The following SORBS3 variants were observed in gnomAD, a reference collection of about 807,000 sequenced individuals.
The protein encoded by SORBS3 is sorbin and SH3 domain containing 3, also known as vinexin.
Under a neutral mutation model 98.0 loss-of-function variants are expected in SORBS3, and 69 were observed. The ratio of observed to expected loss-of-function variants is 0.70; its 90% CI spans 0.58 to 0.86. The LOEUF is 0.86. Ranked by LOEUF, SORBS3 falls within the 40% of genes least tolerant of loss-of-function variation. The pLI, the probability that SORBS3 is intolerant of heterozygous loss-of-function variation, is 0.00. For missense variants in SORBS3, 954 were observed against 908.5 expected (o/e 1.05, Z -0.64); for synonymous variants, 394 against 355.4 (o/e 1.11, Z -1.22).
Position 22,564,469 on chromosome 8 carries a change from C to T in SORBS3, c.764C>T (p.Pro255Leu), listed in dbSNP as rs3758036. 1.2e-3 allele frequency: 1,872 copies of T among 1,614,134 alleles called. 26 individuals carry two copies. The East Asian group carries it at 0.036, about 31-fold the overall frequency. Residue 255 changes from proline (P) to leucine (L), a missense_variant and splice_region_variant, in exon 10 of 21, where the codon CCC becomes CTC. Physicochemically the swap from Pro to Leu is moderately conservative, Grantham distance 98. Transcript: ENST00000240123. ...FLQELETGQR[P>L]KKPLVDDPGE... ...TGACACACCCTTTCTACCCTTCAGC[C>T]CAAGAAACCGCTGGTGGACGACCCT... is the stretch of plus-strand genomic sequence containing the variant.
chr8:22,572,789 G>A (rs1206706255), intron 20 of SORBS3, among the ~76,000 whole-genome samples: 1 of 152,212 alleles, frequency 6.6e-6, no homozygotes, highest in African/African-American at 2.4e-5. Context: ...GAGAGCTCCT[G>A]GTGGAAAGGA....
chr8:22,567,232 A>T, intron 16 of SORBS3, 57 bp downstream of exon 16: 1 of 1,273,102 alleles, frequency 7.9e-7, no homozygotes, highest in Non-Finnish European at 1.1e-6. Context: ...AGGGGTTGGG[A>T]GAGACTTAGT....
Position 22,551,967 on chromosome 8 carries a change from G to A in SORBS3, c.-111G>A, listed in dbSNP as rs1001859397. ...CCCGCGCCAGGCAGCAGCCGGGCAG[G>A]GATGCTCCTGCGCTCCCGGGCGGCC... On this transcript the variant is annotated 5_prime_UTR_variant, in exon 1 of 21. Coordinates refer to ENST00000240123, the MANE Select transcript of SORBS3 (RefSeq NM_005775.5). The surrounding 1 kb of genome is among the most constrained non-coding windows in gnomAD (Gnocchi z 5.8). 2 of 985,426 alleles carry A rather than the reference G, an allele frequency of 2.0e-6. No homozygotes were observed. Among genetic ancestry groups the A allele is most frequent in the Non-Finnish European group, 2.4e-6 (2 of 830,074 alleles). The allele number at this position is 985,426 out of a possible 1,614,324, so 61.0% of individuals were successfully genotyped here.
chr8:22,568,820 C>T (rs12680243), intron 16 of SORBS3, among the ~76,000 whole-genome samples: 14 of 152,154 alleles, frequency 9.2e-5, no homozygotes, highest in African/African-American at 3.4e-4. Flanking sequence ...CTGCTTGGAA[C>T]GCCTCATTTT....
In SORBS3 at chr8:22,564,344, T is replaced by G. The variant is rs1840359184; in HGVS notation, c.737T>G (p.Leu246Arg). 1 of 1,613,920 alleles carries G rather than the reference T, an allele frequency of 6.2e-7. No homozygotes were observed. Among genetic ancestry groups the G allele is most frequent in the Admixed American group, 1.7e-5 (1 of 60,004 alleles). Residue 246 changes from leucine to arginine, a missense_variant, in exon 9 of 21, where the codon CTG becomes CGG. Leu to Arg is a moderately radical substitution (Grantham distance 102). Coordinates refer to ENST00000240123, the MANE Select transcript of SORBS3 (RefSeq NM_005775.5). ...VWTEESWNQF[L>R]QELETGQRPK... is the part of the protein sequence containing the mutation. Reference sequence around the variant, plus strand: ...ACGGAAGAGTCCTGGAACCAGTTTCTGCAGGAACTAGAGACTGGGCAGAGG... The same window carrying G: ...ACGGAAGAGTCCTGGAACCAGTTTCGGCAGGAACTAGAGACTGGGCAGAGG...
chr8:22,570,882 C>G (rs757814743), intron 17 of SORBS3, 28 bp from the exon 18 acceptor site: 3 of 1,565,242 alleles, frequency 1.9e-6, no homozygotes, highest in East Asian at 4.5e-5. Flanking sequence ...CAGGAAGGCC[C>G]CACAGACACT....
chr8:22,574,555 C>G, intron 20 of SORBS3, 112 bp from the exon 21 acceptor site: 1 of 1,051,064 alleles, frequency 9.5e-7, no homozygotes, highest in Non-Finnish European at 1.4e-6. Context: ...CTGGGCTCCC[C>G]TACAGAACTC....
intron 10 of SORBS3, 91 bp from the exon 11 acceptor site, chr8:22,565,177 C>T: frequency 6.7e-7 from 1 of 1,491,922 alleles, no homozygotes. Flanking sequence ...GCCCGGTGCG[C>T]TGGCCTTGCT....
rs1192702929 is a variant in SORBS3 at position 22,561,682 on chromosome 8, G to A, written c.518-183G>A. ...TTGTTTTGAAGATGTAGTAAATGTC[G>A]TAAAGCTCTGAGGGCAATGCCCGCG... On this transcript the variant is annotated intron_variant, in intron 6 of 20. Transcript: ENST00000240123. 29 of 632,552 alleles carry A rather than the reference G, an allele frequency of 4.6e-5. 2 individuals are homozygous for A. The Middle Eastern group carries it at 7.2e-3, about 156-fold the overall frequency. The allele number at this position is 632,552 out of a possible 1,614,324, so 39.2% of individuals were successfully genotyped here.
upstream of SORBS3, among the ~76,000 whole-genome samples, chr8:22,547,715 G>C (rs2252471): frequency 0.49 from 74,302 of 152,040 alleles, 18,384 homozygotes; most frequent in East Asian, 0.59. Flanking sequence ...ACTTTCTAGA[G>C]CTGACAGCCA....
At chr8:22,565,988 G>T in intron 12 of SORBS3, 116 bp downstream of exon 12, 1 of 716,570 alleles carries the variant, frequency 1.4e-6, no homozygotes, top group South Asian at 6.7e-5. Flanking sequence ...GGGGAGGAAG[G>T]AACCGCAGAG....
At position 22,575,307 on chromosome 8, in the gene SORBS3, C is replaced by T. The variant is rs969107916; in HGVS notation, c.*579C>T. On this transcript the variant is annotated 3_prime_UTR_variant, in exon 21 of 21. Coordinates refer to ENST00000240123, the MANE Select transcript of SORBS3 (RefSeq NM_005775.5). ...AAGAGCTCTGGCCCCAAGGCCTCCT[C>T]TTCCCAGGGGCTGCCAAGTCCTGGC... The T allele has an allele frequency of 4.1e-6, 1 of 246,410 alleles. No individual in the cohort carries two copies. The highest frequency in any genetic ancestry group is 2.3e-5 in the African/African-American group (1 of 43,116). The allele number at this position is 246,410 out of a possible 1,614,324, so 15.3% of individuals were successfully genotyped here. A position where few individuals can be genotyped will look rare whatever the true frequency, so the allele number is the denominator to read the frequency against.
chr8:22,561,606 T>A, intron 6 of SORBS3: 1 of 613,734 alleles, frequency 1.6e-6, no homozygotes, highest in South Asian at 1.9e-5. Context: ...CCGGGATTTC[T>A]CTGGGCCTCC....
chr8:22,559,619 C>T (rs1184793621), intron 5 of SORBS3, among the ~76,000 whole-genome samples: 1 of 151,954 alleles, frequency 6.6e-6, no homozygotes, highest in Non-Finnish European at 1.5e-5. Flanking sequence ...AGGAGAATTG[C>T]TTGAACCTGG....
chr8:22,569,050 G>A (rs1020441662), intron 16 of SORBS3, 98 bp from the exon 17 acceptor site: 30 of 1,309,624 alleles, frequency 2.3e-5, no homozygotes, highest in Non-Finnish European at 3.0e-5. Context: ...CTCTGCCTAG[G>A]GGCGGGCCCA....
intron 4 of SORBS3, among the ~76,000 whole-genome samples, chr8:22,557,347 G>T (rs1840203823): frequency 6.6e-6 from 1 of 152,196 alleles, no homozygotes; most frequent in Non-Finnish European, 1.5e-5. Context: ...GTCCAGTTAG[G>T]ACTGGGGATA....
At position 22,572,584 on chromosome 8, in the gene SORBS3, G is replaced by A. The variant is rs143914215; in HGVS notation, c.1954+138G>A. ...CAGCTTCCGGCCGGGCTACTGGGGGGGCCTGGCACCCGATGCTTCCCCAAA... is the reference window on the plus strand; with the variant it reads ...CAGCTTCCGGCCGGGCTACTGGGGGAGCCTGGCACCCGATGCTTCCCCAAA... On this transcript the variant is annotated intron_variant, in intron 20 of 20. Coordinates refer to ENST00000240123, the MANE Select transcript of SORBS3 (RefSeq NM_005775.5). The A allele has an allele frequency of 1.8e-3, 1,268 of 701,952 alleles. 19 individuals carry two copies. The African/African-American group carries it at 0.02, about 11-fold the overall frequency. 43.5% of individuals were successfully genotyped at this position (701,952 alleles called of 1,614,324 possible).
At chr8:22,571,386 C>T (rs896869433) in intron 18 of SORBS3, among the ~76,000 whole-genome samples, 165 bp downstream of exon 18, 1 of 152,096 alleles carries the variant, frequency 6.6e-6, no homozygotes, top group East Asian at 1.9e-4. Context: ...GCCTGGGGGA[C>T]CTCAACCTAC....
rs1437861424 is a variant in SORBS3 at position 22,564,053 on chromosome 8, C to T, written c.651C>T (p.Ser217=). 6.2e-7 allele frequency: 1 copy of T among 1,613,796 alleles called. No individual in the cohort carries two copies. The highest frequency in any genetic ancestry group is 8.5e-7 in the Non-Finnish European group (1 of 1,180,016). The change falls in exon 8 of 21, where the codon TCC becomes TCT. Residue 217 remains serine (S), a synonymous_variant. Transcript: ENST00000240123. ...STFNYRPGAF[S]TVLQPSNQVL... Reference sequence around the variant, plus strand: ...TCAACTACAGACCTGGAGCATTCTCCACTGTGCTGCAGCCCTCAAATCAGG... The same window carrying T: ...TCAACTACAGACCTGGAGCATTCTCTACTGTGCTGCAGCCCTCAAATCAGG...
Sources: allele counts gnomAD v4.1 joint callset (sites outside exome capture counted in the v4.1 genomes callset), GRCh38; gene constraint gnomAD v4.1.1; non-coding constraint Gnocchi (gnomAD v3.1); transcripts MANE v1.5; gene names NCBI Gene and HGNC (gene_info 2026-07-23, HGNC 2026-07-21).